CNTNAP2: variants seen among roughly 807,000 people sequenced by gnomAD.
The protein encoded by CNTNAP2 is contactin-associated protein-like 2.
CNTNAP2 carries 98 observed loss-of-function variants against 155.2 expected under a neutral mutation model. That is an observed-to-expected ratio of 0.63 (90% CI 0.54 to 0.75). The LOEUF is 0.75. Ranked by LOEUF, CNTNAP2 falls within the 30% of genes least tolerant of loss-of-function variation. CNTNAP2 has a pLI of 0.00. For synonymous variants in CNTNAP2, 651 were observed against 631.2 expected (o/e 1.03, Z -0.47); for missense variants, 1,727 against 1,688.1 (o/e 1.02, Z -0.40).
intron 13 of CNTNAP2, among the ~76,000 whole-genome samples, chr7:147,702,545 T>C (rs984430845): frequency 1.3e-4 from 20 of 151,800 alleles, no homozygotes; most frequent in Non-Finnish European, 2.6e-4. Context: ...GGGAAAATTG[T>C]ACAGAATGCG....
At chr7:146,891,512 A>T (rs2129211589) in intron 3 of CNTNAP2, among the ~76,000 whole-genome samples, 1 of 152,376 alleles carries the variant, frequency 6.6e-6, no homozygotes, top group East Asian at 1.9e-4. Context: ...GAAGTTATGC[A>T]AAAGATAAAT....
intron 15 of CNTNAP2, among the ~76,000 whole-genome samples, chr7:148,116,962 T>C (rs1486792274): frequency 1.3e-5 from 2 of 152,160 alleles, no homozygotes; most frequent in Non-Finnish European, 2.9e-5. Flanking sequence ...ATCACACCCA[T>C]ATATTTTAGT....
intron 1 of CNTNAP2, among the ~76,000 whole-genome samples, chr7:146,721,402 C>A (rs1563203536): frequency 7.9e-6 from 1 of 127,170 alleles, no homozygotes; most frequent in African/African-American, 3.1e-5. Context: ...TATATACATT[C>A]TATATATATT....
intron 2 of CNTNAP2, among the ~76,000 whole-genome samples, chr7:146,806,359 G>A (rs907265556): frequency 1.3e-5 from 2 of 151,928 alleles, no homozygotes; most frequent in African/African-American, 4.8e-5. Flanking sequence ...AGCTGGGCAT[G>A]GTGGCATGTG....
intron 1 of CNTNAP2, among the ~76,000 whole-genome samples, chr7:146,376,026 G>A (rs1161509724): frequency 6.6e-6 from 1 of 152,110 alleles, no homozygotes; most frequent in East Asian, 1.9e-4. Flanking sequence ...GCGTATAACT[G>A]CCACCAAATT....
chr7:148,383,935 C>G, intron 22 of CNTNAP2, 47 bp downstream of exon 22: 1 of 1,584,616 alleles, frequency 6.3e-7, no homozygotes, highest in Non-Finnish European at 8.6e-7. Context: ...TTCTTTAAAC[C>G]TCAGTCTCTT....
intron 13 of CNTNAP2, among the ~76,000 whole-genome samples, chr7:147,754,963 C>T (rs1797194040): frequency 6.6e-6 from 1 of 152,110 alleles, no homozygotes; most frequent in Non-Finnish European, 1.5e-5. Context: ...CACAGAGAGA[C>T]AGACAATAGA....
At chr7:147,928,420 A>G (rs1435309436) in intron 14 of CNTNAP2, among the ~76,000 whole-genome samples, 1 of 152,230 alleles carries the variant, frequency 6.6e-6, no homozygotes, top group Admixed American at 6.5e-5. Flanking sequence ...AATTATGTGT[A>G]AAATGCATGT....
chr7:148,093,309 G>A (rs1803888814), intron 15 of CNTNAP2, among the ~76,000 whole-genome samples: 1 of 152,132 alleles, frequency 6.6e-6, no homozygotes, highest in African/African-American at 2.4e-5. Context: ...AAATCACAAT[G>A]TACGTGACTC....
intron 15 of CNTNAP2, among the ~76,000 whole-genome samples, chr7:148,013,575 C>G (rs117786361): frequency 0.012 from 1,833 of 152,276 alleles, 18 homozygotes; most frequent in Non-Finnish European, 0.019. Flanking sequence ...TCTAAGTGGA[C>G]TTCCTCTTGT....
chr7:147,202,126 A>G (rs971621626), intron 8 of CNTNAP2, among the ~76,000 whole-genome samples: 4 of 152,186 alleles, frequency 2.6e-5, no homozygotes, highest in African/African-American at 9.6e-5. Flanking sequence ...AATGAAAGAA[A>G]AAATAGTAAA....
At chr7:147,176,240 A>G (rs1802335772) in intron 8 of CNTNAP2, among the ~76,000 whole-genome samples, 1 of 152,214 alleles carries the variant, frequency 6.6e-6, no homozygotes, top group Admixed American at 6.5e-5. Context: ...CATTTACCTC[A>G]TCAGTTGGAA....
rs548028799 is a variant in CNTNAP2, at chr7:148,095,795, C to T, written c.2384-22323C>T. ...AAAGAGTTGTTATGCTTTGTGGAAA[C>T]TAATCAGGTCTAGTCTCCCACCTTT... On this transcript the variant is annotated intron_variant, in intron 15 of 23. Transcript: ENST00000361727. Among the ~76,000 whole-genome samples the T allele has an allele frequency of 1.9e-3, 290 of 152,296 alleles. 1 individual carries two copies. Among genetic ancestry groups the T allele is most frequent in the African/African-American group, 6.6e-3 (276 of 41,576 alleles).
intron 8 of CNTNAP2, chr7:147,161,628 C>G (rs1406647572): frequency 1.3e-5 from 2 of 151,864 alleles, no homozygotes; most frequent in Non-Finnish European, 2.9e-5. Flanking sequence ...AGTATTCTCT[C>G]TCTCATAGGG....
intron 8 of CNTNAP2, among the ~76,000 whole-genome samples, chr7:147,216,923 A>C (rs956949347): frequency 6.6e-6 from 1 of 151,906 alleles, no homozygotes; most frequent in Non-Finnish European, 1.5e-5. Flanking sequence ...TAAGCATTTC[A>C]TTTTTGGAGA....
intron 22 of CNTNAP2, among the ~76,000 whole-genome samples, chr7:148,397,544 A>G (rs1343303433): frequency 5.9e-5 from 9 of 152,194 alleles, no homozygotes; most frequent in Non-Finnish European, 1.3e-4. Flanking sequence ...AGGATATGTA[A>G]TTTGCATACC....
chr7:147,988,691 ACT>A (rs1283956277), intron 15 of CNTNAP2, among the ~76,000 whole-genome samples: 3 of 151,956 alleles, frequency 2.0e-5, no homozygotes, highest in African/African-American at 7.2e-5. Context: ...TGAACTTGTT[ACT>A]CTCTGCAGAA....
chr7:147,069,573 A>C (rs1584817189), intron 4 of CNTNAP2, among the ~76,000 whole-genome samples: 1 of 152,212 alleles, frequency 6.6e-6, no homozygotes, highest in African/African-American at 2.4e-5. Flanking sequence ...ACAGTAAGAA[A>C]GCAGTTGGTA....
At chr7:147,859,273 C>G (rs368085165) in intron 13 of CNTNAP2, among the ~76,000 whole-genome samples, 11 of 152,074 alleles carry the variant, frequency 7.2e-5, no homozygotes, top group Non-Finnish European at 1.6e-4. Flanking sequence ...ATCATATCTG[C>G]CAAGTTCTAG....
Sources: gnomAD v4.1 joint callset for allele counts (sites outside exome capture counted in the v4.1 genomes callset) on GRCh38, gnomAD v4.1.1 for gene constraint, MANE v1.5 for transcripts, NCBI Gene and HGNC (gene_info 2026-07-23, HGNC 2026-07-21) for gene names.